Variants in SPATA6L observed in about 807,000 individuals in gnomAD.
The protein encoded by SPATA6L is spermatogenesis associated 6 like, also known as spermatogenesis associated 6-like protein.
A neutral mutation model predicts 49.2 loss-of-function variants in SPATA6L; 68 were observed. That is an observed-to-expected ratio of 1.38 (90% CI 1.14 to 1.69). The LOEUF (loss-of-function observed/expected upper bound fraction) is 1.69, where lower values mean the gene tolerates loss of function less well. Among genes scored for constraint, SPATA6L ranks in the 40% most tolerant of loss-of-function variants. The probability of loss-of-function intolerance (pLI) is 0.00; values close to 1 mark genes in which losing one functional copy is unlikely to be tolerated. For synonymous variants in SPATA6L, 198 were observed against 165.7 expected (o/e 1.19, Z -1.50); for missense variants, 668 against 464.3 (o/e 1.44, Z -4.03).
chr9:4,609,693 T>C (rs11506289), intron 9 of SPATA6L, among the ~76,000 whole-genome samples: 3,639 of 150,128 alleles, frequency 0.024, 163 homozygotes, highest in African/African-American at 0.088. Context: ...AATATCATAC[T>C]GAATGGGCAA....
chr9:4,647,378 C>T (rs1291138747), intron 3 of SPATA6L, among the ~76,000 whole-genome samples: 4 of 151,974 alleles, frequency 2.6e-5, no homozygotes, highest in East Asian at 1.9e-4. Context: ...GATCACCTGA[C>T]GTCAGGAGTT....
chr9:4,663,091 T>G, intron 1 of SPATA6L: 2 of 1,614,056 alleles, frequency 1.2e-6, no homozygotes, highest in Non-Finnish European at 1.7e-6. Context: ...AGGGTGCTGG[T>G]GGTTCTGTGG....
chr9:4,593,608 A>G (rs1822045179), downstream of SPATA6L, among the ~76,000 whole-genome samples: 1 of 152,080 alleles, frequency 6.6e-6, no homozygotes. Context: ...CTAATCCCCT[A>G]CAGTCGGGCT....
chr9:4,661,458 A>G (rs1291924790), intron 2 of SPATA6L, among the ~76,000 whole-genome samples: 1 of 147,956 alleles, frequency 6.8e-6, no homozygotes, highest in Non-Finnish European at 1.5e-5. Context: ...GTAAATCTGA[A>G]CAGCCTTTTT....
downstream of SPATA6L, among the ~76,000 whole-genome samples, chr9:4,598,031 G>A (rs62543875): frequency 0.032 from 4,936 of 152,242 alleles, 124 homozygotes; most frequent in Non-Finnish European, 0.047. Context: ...CCTCTTTTAT[G>A]TCAAACATAT....
chr9:4,653,015 A>T (rs1837282802), intron 3 of SPATA6L, among the ~76,000 whole-genome samples: 2 of 152,186 alleles, frequency 1.3e-5, no homozygotes, highest in Admixed American at 1.3e-4. Context: ...CATTGACAAG[A>T]TGATTGAAAA....
In SPATA6L at chr9:4,662,250, A is replaced by T; in HGVS notation, c.40-214T>A. On this transcript the variant is annotated intron_variant, in intron 1 of 11. Transcript: ENST00000682582. This position sits in a 1 kb window ranked among gnomAD's most constrained non-coding sequence, Gnocchi z 4.9. ...CTCCCACGTCTCCACCAGGTGTCAC[A>T]ATCGCGCTCTCGCCGGCTCCTCTCC... 3 of 1,434,352 alleles carry T rather than the reference A, an allele frequency of 2.1e-6. No individual in the cohort carries two copies. The highest frequency in any genetic ancestry group is 2.7e-6 in the Non-Finnish European group (3 of 1,099,704). 88.9% of individuals were successfully genotyped at this position (1,434,352 alleles called of 1,614,324 possible).
intron 3 of SPATA6L, among the ~76,000 whole-genome samples, chr9:4,651,262 T>C (rs540116045): frequency 6.6e-5 from 10 of 152,024 alleles, no homozygotes; most frequent in South Asian, 4.1e-4. Flanking sequence ...ATTAGATAAA[T>C]GAAATGGAAA....
chr9:4,627,912 G>A, intron 5 of SPATA6L: 1 of 795,926 alleles, frequency 1.3e-6, no homozygotes, highest in Non-Finnish European at 1.8e-6. Flanking sequence ...TACACATAAT[G>A]GAGTGCTATT....
chr9:4,616,678 C>T (rs375097339), intron 9 of SPATA6L, among the ~76,000 whole-genome samples: 13 of 152,176 alleles, frequency 8.5e-5, no homozygotes, highest in African/African-American at 2.4e-4. Flanking sequence ...CTCCGCCTCC[C>T]GGGTTCAAGC....
Position 4,662,551 on chromosome 9 carries a change from G to T in SPATA6L, c.40-515C>A, listed in dbSNP as rs1840085293. 3 of 1,576,422 alleles carry T rather than the reference G, an allele frequency of 1.9e-6. No homozygotes were observed. Among genetic ancestry groups the T allele is most frequent in the African/African-American group, 2.7e-5 (2 of 74,126 alleles). ...GTGGACCCCACCTGCGCCCGGCTCC[G>T]TGCATCGGAGAGCCCAGTTCACCGC... is the stretch of plus-strand genomic sequence containing the variant. On this transcript the variant is annotated intron_variant, in intron 1 of 11. Coordinates refer to ENST00000682582, the MANE Select transcript of SPATA6L (RefSeq NM_001353486.2). The surrounding 1 kb of genome is among the most constrained non-coding windows in gnomAD (Gnocchi z 4.9).
downstream of SPATA6L, among the ~76,000 whole-genome samples, chr9:4,597,983 A>G (rs931379694): frequency 1.3e-5 from 2 of 152,084 alleles, no homozygotes; most frequent in Non-Finnish European, 2.9e-5. Context: ...TCACACACAT[A>G]CCCATCAGTC....
intron 4 of SPATA6L, among the ~76,000 whole-genome samples, chr9:4,629,640 A>T (rs569563719): frequency 1.1e-4 from 16 of 151,782 alleles, no homozygotes; most frequent in African/African-American, 3.9e-4. Context: ...TTTATATTTT[A>T]TATCAGATAT....
At chr9:4,644,685 T>TCTCACACACACACA (rs1438618515) in intron 3 of SPATA6L, among the ~76,000 whole-genome samples, 8 of 107,680 alleles carry the variant, frequency 7.4e-5, no homozygotes, top group African/African-American at 1.9e-4. Flanking sequence ...TCTCTCTCTC[T>TCTCACACACACACA]CACACACACA....
intron 6 of SPATA6L, among the ~76,000 whole-genome samples, chr9:4,624,788 T>C (rs1421435953): frequency 1.3e-5 from 2 of 151,416 alleles, no homozygotes; most frequent in African/African-American, 4.9e-5. Context: ...TAAATTTGCC[T>C]ACCACTACCT....
chr9:4,590,839 C>G (rs1052549592), intron 13 of SPATA6L, among the ~76,000 whole-genome samples: 3 of 152,214 alleles, frequency 2.0e-5, no homozygotes, highest in Admixed American at 6.5e-5. Flanking sequence ...CCCATTTTCC[C>G]TCCAAGAAGC....
chr9:4,624,718 ACT>A (rs1194397059), intron 6 of SPATA6L, among the ~76,000 whole-genome samples: 1 of 143,532 alleles, frequency 7.0e-6, no homozygotes, highest in Non-Finnish European at 1.5e-5. Flanking sequence ...ACAGCGCAAG[ACT>A]CTGTCTCAAA....
chr9:4,597,002 T>C (rs1822313582), downstream of SPATA6L, among the ~76,000 whole-genome samples: 1 of 152,202 alleles, frequency 6.6e-6, no homozygotes, highest in Non-Finnish European at 1.5e-5. Context: ...TGCCAGGCAC[T>C]GATTTAATGT....
At chr9:4,607,826 T>C (rs1264936689) in intron 9 of SPATA6L, among the ~76,000 whole-genome samples, 1 of 151,704 alleles carries the variant, frequency 6.6e-6, no homozygotes, top group Non-Finnish European at 1.5e-5. Context: ...GACTAAATGC[T>C]CCAATTAAAA....
Sources: allele counts gnomAD v4.1 joint callset (sites outside exome capture counted in the v4.1 genomes callset), GRCh38; gene constraint gnomAD v4.1.1; non-coding constraint Gnocchi (gnomAD v3.1); transcripts MANE v1.5; gene names NCBI Gene and HGNC (gene_info 2026-07-23, HGNC 2026-07-21).